The following SYT13 variants were observed in gnomAD, a reference collection of about 807,000 sequenced individuals.
The protein encoded by SYT13 is synaptotagmin 13.
SYT13 carries 21 observed loss-of-function variants against 38.6 expected under a neutral mutation model. The ratio of observed to expected loss-of-function variants is 0.54; its 90% CI spans 0.39 to 0.78. The LOEUF is 0.78. SYT13 is among the 30% of genes least tolerant of loss of function. The pLI is 0.00. For synonymous variants in SYT13, 241 were observed against 237.6 expected (o/e 1.01, Z -0.13); for missense variants, 495 against 548.7 (o/e 0.90, Z 0.98).
intron 1 of SYT13, among the ~76,000 whole-genome samples, chr11:45,275,412 C>T (rs1854999027): frequency 6.6e-6 from 1 of 152,188 alleles, no homozygotes; most frequent in South Asian, 2.1e-4. Context: ...ATATATGCAA[C>T]TCCCCCTCAT....
intron 1 of SYT13, chr11:45,269,594 C>G: frequency 3.6e-6 from 2 of 559,774 alleles, no homozygotes; most frequent in South Asian, 3.7e-5. Flanking sequence ...TCTATATACC[C>G]TAATATTAAC....
In SYT13 at chr11:45,262,770, A is replaced by T. The variant is rs4755939; in HGVS notation, c.184-6879T>A. 4.4e-4 allele frequency among the ~76,000 whole-genome samples: 33 copies of T among 75,794 alleles called. 1 individual carries two copies. Among genetic ancestry groups the T allele is most frequent in the African/African-American group, 2.2e-3 (32 of 14,564 alleles). 49.7% of individuals were successfully genotyped at this position (75,794 alleles called of 152,430 possible). A position where few individuals can be genotyped will look rare whatever the true frequency, so the allele number is the denominator to read the frequency against. The stretch of plus-strand genomic sequence containing the variant: ...ACACACACACACACACACACACACA[A>T]ATTGAACTGTACACTTAAAAATGGT... On this transcript the variant is annotated intron_variant, in intron 1 of 5. Transcript: ENST00000020926.
rs1854617238 is a variant in SYT13 at position 45,246,583 on chromosome 11, G to C, written c.847-71C>G. 5 of 1,564,534 alleles carry C rather than the reference G, an allele frequency of 3.2e-6. No homozygotes were observed. In the South Asian group the frequency reaches 4.8e-5, roughly 15 times the overall value. On this transcript the variant is annotated intron_variant, in intron 4 of 5. Coordinates refer to ENST00000020926, the MANE Select transcript of SYT13 (RefSeq NM_020826.3). ...GCCTTCCAACCCATCAACAAATGCT[G>C]AAGCTGGAACCATGCTGGATTTGCA...
At chr11:45,247,133 A>G (rs1365116774) in intron 4 of SYT13, among the ~76,000 whole-genome samples, 2 of 152,228 alleles carry the variant, frequency 1.3e-5, no homozygotes, top group East Asian at 1.9e-4. Flanking sequence ...GAGGCATCCA[A>G]ACAAACACAT....
intron 1 of SYT13, among the ~76,000 whole-genome samples, chr11:45,271,784 G>A (rs1252063333): frequency 2.0e-5 from 3 of 152,122 alleles, no homozygotes; most frequent in Admixed American, 2.0e-4. Flanking sequence ...CAGGTTGGGG[G>A]AACCATGTGC....
chr11:45,285,918 C>A, intron 1 of SYT13, 107 bp downstream of exon 1: 3 of 1,485,598 alleles, frequency 2.0e-6, no homozygotes, highest in South Asian at 1.2e-5. Context: ...CCCCGCCAAG[C>A]TTTGTCGCGC....
chr11:45,285,995 G>A (rs1465989735), intron 1 of SYT13, 30 bp downstream of exon 1: 4 of 1,592,604 alleles, frequency 2.5e-6, no homozygotes, highest in East Asian at 4.5e-5. Flanking sequence ...CGCCTTGCCC[G>A]GGAAGGGCCT....
chr11:45,286,327 C>T lies in SYT13; in HGVS notation c.-120G>A. 1 of 1,238,442 alleles carries T rather than the reference C, an allele frequency of 8.1e-7. No individual in the cohort carries two copies. Among genetic ancestry groups the T allele is most frequent in the Non-Finnish European group, 1.1e-6 (1 of 929,478 alleles). 76.7% of individuals were successfully genotyped at this position (1,238,442 alleles called of 1,614,324 possible). ...AGCAGCTCTCCCGCCGCCAGAGGGG[C>T]GGGGACGGAGGGAGGGAGGACGGCT... On this transcript the variant is annotated 5_prime_UTR_variant, in exon 1 of 6. Transcript: ENST00000020926.
chr11:45,276,588 T>A (rs184225868), intron 1 of SYT13, among the ~76,000 whole-genome samples: 260 of 151,872 alleles, frequency 1.7e-3, no homozygotes, highest in African/African-American at 6.0e-3. Flanking sequence ...AAAATTTTTT[T>A]AAAAAAACTT....
chr11:45,269,273 C>A, intron 1 of SYT13: 1 of 365,882 alleles, frequency 2.7e-6, no homozygotes, highest in Non-Finnish European at 4.7e-6. Flanking sequence ...GTGAATGTTG[C>A]TGCAATCCCA....
intron 5 of SYT13, among the ~76,000 whole-genome samples, chr11:45,244,667 T>TGGG (rs2135883469): frequency 6.6e-6 from 1 of 152,264 alleles, no homozygotes; most frequent in East Asian, 1.9e-4. Context: ...GGGATTATTC[T>TGGG]CCACTCCCCC....
chr11:45,277,851 G>T (rs1229841408), intron 1 of SYT13, among the ~76,000 whole-genome samples: 1 of 152,160 alleles, frequency 6.6e-6, no homozygotes, highest in Non-Finnish European at 1.5e-5. Flanking sequence ...CCTACCACCA[G>T]CACACATTTT....
At chr11:45,275,300 ATATG>A (rs990811223) in intron 1 of SYT13, among the ~76,000 whole-genome samples, 2 of 152,218 alleles carry the variant, frequency 1.3e-5, no homozygotes, top group African/African-American at 4.8e-5. Context: ...AATCAATGAA[ATATG>A]TCAAAATATT....
At chr11:45,250,376 T>C (rs1306874485) in intron 4 of SYT13, among the ~76,000 whole-genome samples, 3 of 152,238 alleles carry the variant, frequency 2.0e-5, no homozygotes, top group African/African-American at 2.4e-5. Context: ...GCCTGGCACA[T>C]GGTAGAAACT....
chr11:45,269,274 T>C, intron 1 of SYT13: 1 of 370,586 alleles, frequency 2.7e-6, no homozygotes, highest in South Asian at 2.6e-5. Flanking sequence ...TGAATGTTGC[T>C]GCAATCCCAA....
chr11:45,280,296 A>G (rs574776271), intron 1 of SYT13, among the ~76,000 whole-genome samples: 62 of 152,240 alleles, frequency 4.1e-4, no homozygotes, highest in Non-Finnish European at 6.9e-4. Flanking sequence ...GGAATCCTTT[A>G]TGCAGCACAC....
chr11:45,269,501 C>T, intron 1 of SYT13: 2 of 1,287,000 alleles, frequency 1.6e-6, no homozygotes, highest in South Asian at 1.2e-5. Flanking sequence ...TCATATGTAA[C>T]AGATGCTCTG....
chr11:45,276,061 C>T (rs1321288077), intron 1 of SYT13, among the ~76,000 whole-genome samples: 3 of 152,214 alleles, frequency 2.0e-5, no homozygotes, highest in East Asian at 1.9e-4. Context: ...GTTGAAAACT[C>T]GCCAGCTACT....
At chr11:45,270,320 A>G (rs1198454875) in intron 1 of SYT13, among the ~76,000 whole-genome samples, 1 of 152,048 alleles carries the variant, frequency 6.6e-6, no homozygotes. Context: ...TTAGTTTCTA[A>G]TTTGTGTTTC....
Sources: gnomAD v4.1 joint callset for allele counts (sites outside exome capture counted in the v4.1 genomes callset) on GRCh38, gnomAD v4.1.1 for gene constraint, MANE v1.5 for transcripts, NCBI Gene and HGNC (gene_info 2026-07-23, HGNC 2026-07-21) for gene names.